CTNNA3: variants seen among roughly 807,000 people sequenced by gnomAD.
CTNNA3 encodes catenin alpha 3.
A neutral mutation model predicts 95.7 loss-of-function variants in CTNNA3; 76 were observed. The ratio of observed to expected loss-of-function variants is 0.79; its 90% CI spans 0.66 to 0.96. The LOEUF is 0.96. Ranked by LOEUF, CTNNA3 falls within the 40% of genes least tolerant of loss-of-function variation. CTNNA3 has a pLI of 0.00. For missense variants in CTNNA3, 1,191 were observed against 1,089.8 expected (o/e 1.09, Z -1.31); for synonymous variants, 431 against 374.4 (o/e 1.15, Z -1.74).
intron 7 of CTNNA3, among the ~76,000 whole-genome samples, chr10:67,126,326 A>T (rs1427820303): frequency 6.6e-6 from 1 of 152,210 alleles, no homozygotes; most frequent in East Asian, 1.9e-4. Flanking sequence ...AAGGAGTTCA[A>T]GACCAGCCTG....
intron 3 of CTNNA3, among the ~76,000 whole-genome samples, chr10:67,583,005 C>T (rs1386084388): frequency 6.6e-6 from 1 of 152,104 alleles, no homozygotes; most frequent in Non-Finnish European, 1.5e-5. Context: ...GGTCTTGACT[C>T]TTTACCCAAT....
intron 15 of CTNNA3, among the ~76,000 whole-genome samples, chr10:65,994,069 GTTA>G (rs1223143960): frequency 1.3e-5 from 2 of 152,082 alleles, no homozygotes; most frequent in Admixed American, 1.3e-4. Context: ...TACCTTCAAA[GTTA>G]TTATTTATGT....
At chr10:65,986,598 TG>T (rs1369662142) in intron 16 of CTNNA3, among the ~76,000 whole-genome samples, 25 of 151,564 alleles carry the variant, frequency 1.6e-4, no homozygotes, top group Non-Finnish European at 3.7e-4. Flanking sequence ...TGTTCATGTA[TG>T]GAAAGAATTA....
intron 7 of CTNNA3, among the ~76,000 whole-genome samples, chr10:66,922,293 C>T (rs910414616): frequency 5.9e-5 from 9 of 152,160 alleles, no homozygotes; most frequent in African/African-American, 2.2e-4. Flanking sequence ...TATAATTTTG[C>T]TTCTGCTGAA....
At chr10:66,911,427 C>T (rs1846218518) in intron 7 of CTNNA3, among the ~76,000 whole-genome samples, 1 of 152,082 alleles carries the variant, frequency 6.6e-6, no homozygotes, top group Non-Finnish European at 1.5e-5. Context: ...TTGTTTGTTT[C>T]CTTTCTATTT....
chr10:66,671,946 G>T (rs1846675313), intron 9 of CTNNA3, among the ~76,000 whole-genome samples: 2 of 152,156 alleles, frequency 1.3e-5, no homozygotes, highest in African/African-American at 4.8e-5. Flanking sequence ...CTAAATAAAT[G>T]CTGGTTATTA....
intron 10 of CTNNA3, among the ~76,000 whole-genome samples, chr10:66,544,730 C>T (rs1431306997): frequency 6.6e-6 from 1 of 152,032 alleles, no homozygotes; most frequent in African/African-American, 2.4e-5. Flanking sequence ...ATCTTAAGCC[C>T]ACACTCTAGT....
At chr10:66,915,102 G>A (rs916169030) in intron 7 of CTNNA3, among the ~76,000 whole-genome samples, 1 of 149,304 alleles carries the variant, frequency 6.7e-6, no homozygotes, top group East Asian at 2.0e-4. Context: ...AATGTGGAGA[G>A]ATCATTTTTT....
intron 5 of CTNNA3, among the ~76,000 whole-genome samples, chr10:67,428,539 G>A (rs1845997964): frequency 1.3e-5 from 2 of 152,028 alleles, no homozygotes; most frequent in Admixed American, 6.6e-5. Flanking sequence ...ACAAATACCT[G>A]GGGAGATGAG....
chr10:67,097,533 C>T (rs1329371807), intron 7 of CTNNA3: 6 of 1,506,876 alleles, frequency 4.0e-6, no homozygotes, highest in Non-Finnish European at 5.5e-6. Context: ...AAATCTTTCC[C>T]CTAAAGTTGT....
At position 66,043,134 on chromosome 10, in the gene CTNNA3, G is replaced by GA. The variant is rs60278132; in HGVS notation, c.2159+26173dup. ...AACATAAGGTAGCTATCCGGGTAAT[G>GA]AAAAAAAAAAAAAAAAAAAAGAGAG... is the stretch of plus-strand genomic sequence containing the variant. On this transcript the variant is annotated intron_variant, in intron 15 of 17. Transcript: ENST00000433211. Among the ~76,000 whole-genome samples the GA allele has an allele frequency of 4.0e-3, 415 of 102,904 alleles. 7 individuals carry two copies. The highest frequency in any genetic ancestry group is 9.5e-3 in the African/African-American group (250 of 26,242). 67.5% of individuals were successfully genotyped at this position (102,904 alleles called of 152,430 possible).
At chr10:66,059,786 A>G (rs1371083017) in intron 15 of CTNNA3, among the ~76,000 whole-genome samples, 1 of 152,156 alleles carries the variant, frequency 6.6e-6, no homozygotes, top group Non-Finnish European at 1.5e-5. Flanking sequence ...ATATTTTTCA[A>G]GTAAAAACAC....
intron 13 of CTNNA3, among the ~76,000 whole-genome samples, chr10:66,110,115 C>T (rs2082064186): frequency 6.6e-6 from 1 of 151,816 alleles, no homozygotes; most frequent in African/African-American, 2.4e-5. Context: ...AATCCCAGAA[C>T]TTTGGGAGGC....
Position 66,927,726 on chromosome 10 carries a change from A to G in CTNNA3, c.1048-152202T>C. ...GCAATGAGATCGAAGCTTTCAGTGG[A>G]CCCAGTGTTTTCCAGTGTGTCCCGA... On this transcript the variant is annotated intron_variant, in intron 7 of 17. Coordinates refer to ENST00000433211, the MANE Select transcript of CTNNA3 (RefSeq NM_013266.4). The surrounding 1 kb of genome is among the most constrained non-coding windows in gnomAD (Gnocchi z 4.7). 6.2e-7 allele frequency: 1 copy of G among 1,614,140 alleles called. No individual in the cohort carries two copies. Among genetic ancestry groups the G allele is most frequent in the South Asian group, 1.1e-5 (1 of 91,078 alleles).
chr10:66,116,682 T>C (rs898495536), intron 13 of CTNNA3, among the ~76,000 whole-genome samples: 35 of 152,140 alleles, frequency 2.3e-4, no homozygotes, highest in African/African-American at 7.2e-4. Flanking sequence ...TACCTGAGAC[T>C]GGGTAATTTA....
intron 10 of CTNNA3, among the ~76,000 whole-genome samples, chr10:66,523,442 G>A (rs1841138991): frequency 6.6e-6 from 1 of 152,136 alleles, no homozygotes; most frequent in Non-Finnish European, 1.5e-5. Flanking sequence ...TCTAAAAGAA[G>A]ACACAATTCA....
chr10:66,458,637 A>T (rs1464322152), intron 11 of CTNNA3, among the ~76,000 whole-genome samples: 1 of 152,034 alleles, frequency 6.6e-6, no homozygotes, highest in Non-Finnish European at 1.5e-5. Flanking sequence ...GCCTCTACGG[A>T]TTTAACTATT....
At position 66,080,921 on chromosome 10, in the gene CTNNA3, T is replaced by G. The variant is rs370194011; in HGVS notation, c.1978-11432A>C. 9.9e-5 allele frequency among the ~76,000 whole-genome samples: 15 copies of G among 152,284 alleles called. No individual in the cohort carries two copies. In the South Asian group the frequency reaches 3.1e-3, roughly 32 times the overall value. ...CATTTCAGAGATGGTTCACAGATGC[T>G]TAAGAAAGATATTATATTTTGTTAA... is the stretch of plus-strand genomic sequence containing the variant. On this transcript the variant is annotated intron_variant, in intron 14 of 17. Coordinates refer to ENST00000433211, the MANE Select transcript of CTNNA3 (RefSeq NM_013266.4).
At chr10:66,060,472 A>G (rs1323450580) in intron 15 of CTNNA3, among the ~76,000 whole-genome samples, 1 of 152,092 alleles carries the variant, frequency 6.6e-6, no homozygotes, top group Non-Finnish European at 1.5e-5. Flanking sequence ...ACACACTAGC[A>G]CGGAGAGAAT....
Sources: allele counts gnomAD v4.1 joint callset (sites outside exome capture counted in the v4.1 genomes callset), GRCh38; gene constraint gnomAD v4.1.1; non-coding constraint Gnocchi (gnomAD v3.1); transcripts MANE v1.5; gene names NCBI Gene and HGNC (gene_info 2026-07-23, HGNC 2026-07-21).